The following RSPO4 variants were observed in gnomAD, a reference collection of about 807,000 sequenced individuals.
RSPO4 encodes R-spondin-4.
A neutral mutation model predicts 24.8 loss-of-function variants in RSPO4; 23 were observed. That is an observed-to-expected ratio of 0.93 (90% CI 0.67 to 1.31). The LOEUF (loss-of-function observed/expected upper bound fraction) is 1.31, where lower values mean the gene tolerates loss of function less well. Among genes scored for constraint, RSPO4 ranks in the 40% most tolerant of loss-of-function variants. RSPO4 has a pLI of 0.00. For missense variants in RSPO4, 333 were observed against 316.5 expected (o/e 1.05, Z -0.39); for synonymous variants, 141 against 127.4 (o/e 1.11, Z -0.72).
At position 963,983 on chromosome 20, in the gene RSPO4, C is replaced by A; in HGVS notation, c.547G>T (p.Val183Leu). 1 of 1,614,070 alleles carries A rather than the reference C, an allele frequency of 6.2e-7. No homozygotes were observed. The highest frequency in any genetic ancestry group is 1.7e-4 in the Middle Eastern group (1 of 6,026). The change falls in exon 4 of 5, where the codon GTG becomes TTG. Residue 183 changes from valine to leucine, a missense_variant. By Grantham distance (32) the Val-to-Leu change is conservative (BLOSUM62 1). Coordinates refer to ENST00000217260, the MANE Select transcript of RSPO4 (RefSeq NM_001029871.4). The stretch of plus-strand genomic sequence containing the variant: ...GGACATTTCCTTGACTCAGAAAGCA[C>A]CTGGCAGGTGGCTGCCTCCTCATGC... ...AGHEEAATCQ[V>L]LSESRKCPIQ...
At chr20:964,719 T>TAC (rs1794559478) in intron 3 of RSPO4, among the ~76,000 whole-genome samples, 1 of 149,758 alleles carries the variant, frequency 6.7e-6, no homozygotes, top group South Asian at 2.1e-4. Flanking sequence ...CATATATATA[T>TAC]ACACATATAT....
chr20:980,925 T>C (rs1037154129), intron 1 of RSPO4, among the ~76,000 whole-genome samples: 1 of 152,184 alleles, frequency 6.6e-6, no homozygotes, highest in African/African-American at 2.4e-5. Flanking sequence ...CAAACTGTAA[T>C]ATGCACACAA....
At chr20:986,808 C>G (rs1215882805) in intron 1 of RSPO4, among the ~76,000 whole-genome samples, 1 of 151,926 alleles carries the variant, frequency 6.6e-6, no homozygotes, top group Non-Finnish European at 1.5e-5. Context: ...GGGAATGATC[C>G]AAGTGTGTGG....
chr20:986,518 G>A (rs565049700), intron 1 of RSPO4, among the ~76,000 whole-genome samples: 1 of 152,064 alleles, frequency 6.6e-6, no homozygotes, highest in South Asian at 2.1e-4. Context: ...GGAAAGGAGA[G>A]CTTCAAATCA....
At chr20:980,363 C>A (rs1318475055) in intron 1 of RSPO4, among the ~76,000 whole-genome samples, 1 of 152,094 alleles carries the variant, frequency 6.6e-6, no homozygotes, top group Admixed American at 6.5e-5. Flanking sequence ...CTTCGGTGTC[C>A]GCTTGACCTC....
intron 1 of RSPO4, among the ~76,000 whole-genome samples, chr20:980,740 G>C (rs970444489): frequency 1.3e-5 from 2 of 152,090 alleles, no homozygotes; most frequent in African/African-American, 4.8e-5. Context: ...ATGGCCAGTG[G>C]TGATCTCAGA....
At chr20:972,064 GATTTTTATTTT>G (rs1214507773) in intron 1 of RSPO4, among the ~76,000 whole-genome samples, 2 of 152,074 alleles carry the variant, frequency 1.3e-5, no homozygotes, top group African/African-American at 4.8e-5. Flanking sequence ...GTGGAATCCT[GATTTTTATTTT>G]ATTTTTTGAG....
At chr20:969,609 G>A (rs929459419) in intron 1 of RSPO4, among the ~76,000 whole-genome samples, 5 of 152,116 alleles carry the variant, frequency 3.3e-5, no homozygotes, top group Non-Finnish European at 5.9e-5. Context: ...CATCCTTCCC[G>A]GCACGTGTGA....
In RSPO4 at chr20:960,283, G is replaced by A. The variant is rs796651155; in HGVS notation, c.*74C>T. 9 of 886,468 alleles carry A rather than the reference G, an allele frequency of 1.0e-5. No homozygotes were observed. In the African/African-American group the frequency reaches 1.3e-4, roughly 13 times the overall value. The allele number at this position is 886,468 out of a possible 1,614,324, so 54.9% of individuals were successfully genotyped here. A position where few individuals can be genotyped will look rare whatever the true frequency, so the allele number is the denominator to read the frequency against. On this transcript the variant is annotated 3_prime_UTR_variant, in exon 5 of 5. Transcript: ENST00000217260. ...GAAGACAGAGGAGAAAGAGTAAGAG[G>A]AGAGGAGGAGAAGGAGCAGGAGGAG...
chr20:986,937 A>ATG lies in RSPO4; in HGVS notation c.79+15147_79+15148dup, dbSNP rs1984940410. 2.6e-5 allele frequency among the ~76,000 whole-genome samples: 4 copies of ATG among 152,214 alleles called. No individual in the cohort carries two copies. The South Asian group carries it at 8.3e-4, about 32-fold the overall frequency. The stretch of plus-strand genomic sequence containing the variant: ...TTTCAAATTGAAGATGAGAACAAGA[A>ATG]TGAAATACCACCATGACCTACAAGA... On this transcript the variant is annotated intron_variant, in intron 1 of 4. Transcript: ENST00000217260.
At chr20:1,001,938 A>T in intron 1 of RSPO4, 148 bp downstream of exon 1, 2 of 658,020 alleles carry the variant, frequency 3.0e-6, no homozygotes, top group Non-Finnish European at 5.2e-6. Flanking sequence ...TCCCCATCTT[A>T]AGTGAGGTTG....
intron 2 of RSPO4, 65 bp from the exon 3 acceptor site, chr20:967,379 C>G: frequency 1.3e-6 from 2 of 1,580,006 alleles, no homozygotes; most frequent in Non-Finnish European, 1.7e-6. Flanking sequence ...ACTGGGTCTG[C>G]CCGAGGTGGA....
intron 4 of RSPO4, among the ~76,000 whole-genome samples, chr20:961,619 T>A (rs1984000002): frequency 6.6e-6 from 1 of 152,238 alleles, no homozygotes; most frequent in African/African-American, 2.4e-5. Context: ...CAGAGCTGAC[T>A]GTGCAGGCCT....
intron 1 of RSPO4, among the ~76,000 whole-genome samples, chr20:982,650 T>A (rs1475355554): frequency 5.9e-5 from 9 of 152,170 alleles, no homozygotes; most frequent in African/African-American, 2.2e-4. Context: ...GCTGGCTTTG[T>A]CCCGTAGTGG....
chr20:991,479 A>G (rs2122263783), intron 1 of RSPO4, among the ~76,000 whole-genome samples: 1 of 152,332 alleles, frequency 6.6e-6, no homozygotes, highest in Non-Finnish European at 1.5e-5. Flanking sequence ...TAATACAAGG[A>G]AGCCCTACAA....
intron 1 of RSPO4, among the ~76,000 whole-genome samples, chr20:985,158 T>TCCAC (rs1406947174): frequency 7.8e-6 from 1 of 128,368 alleles, no homozygotes; most frequent in Admixed American, 7.9e-5. Context: ...CATCCATCCA[T>TCCAC]CCACCCACCC....
At chr20:982,984 A>G (rs1017953433) in intron 1 of RSPO4, among the ~76,000 whole-genome samples, 1 of 152,220 alleles carries the variant, frequency 6.6e-6, no homozygotes, top group African/African-American at 2.4e-5. Context: ...GCCCACCGCT[A>G]CAAACCCAGG....
intron 1 of RSPO4, among the ~76,000 whole-genome samples, chr20:995,940 C>T (rs180717409): frequency 1.3e-5 from 2 of 152,354 alleles, no homozygotes; most frequent in East Asian, 3.9e-4. Flanking sequence ...CTCACCCACT[C>T]ATACACCCAT....
intron 1 of RSPO4, among the ~76,000 whole-genome samples, chr20:976,034 T>C (rs1872143227): frequency 6.6e-6 from 1 of 152,184 alleles, no homozygotes; most frequent in South Asian, 2.1e-4. Context: ...GGTTCCCAGG[T>C]TGATATCCTG....
Sources: allele counts gnomAD v4.1 joint callset (sites outside exome capture counted in the v4.1 genomes callset), GRCh38; gene constraint gnomAD v4.1.1; transcripts MANE v1.5; gene names NCBI Gene and HGNC (gene_info 2026-07-23, HGNC 2026-07-21).